STX8: variants seen among roughly 807,000 people sequenced by gnomAD.
STX8 encodes syntaxin 8, also known as syntaxin-8.
A neutral mutation model predicts 37.5 loss-of-function variants in STX8; 23 were observed. The ratio of observed to expected loss-of-function variants is 0.61; its 90% CI spans 0.44 to 0.87. The LOEUF (loss-of-function observed/expected upper bound fraction) is 0.87. Ranked by LOEUF, STX8 falls within the 40% of genes least tolerant of loss-of-function variation. The pLI is 0.00. For missense variants in STX8, 313 were observed against 284.7 expected (o/e 1.10, Z -0.71); for synonymous variants, 115 against 99.1 (o/e 1.16, Z -0.95).
intron 7 of STX8, among the ~76,000 whole-genome samples, chr17:9,338,149 G>T (rs144022821): frequency 6.7e-6 from 1 of 149,954 alleles, no homozygotes; most frequent in Non-Finnish European, 1.5e-5. Flanking sequence ...CGCCTCCCGG[G>T]TTCAAATTAT....
chr17:9,494,392 G>C (rs1232597689), intron 5 of STX8, among the ~76,000 whole-genome samples: 1 of 151,366 alleles, frequency 6.6e-6, no homozygotes, highest in Admixed American at 6.6e-5. Context: ...ACTTTAGGGG[G>C]CTGAAGCGGG....
chr17:9,282,038 C>T (rs1160316358), intron 7 of STX8, among the ~76,000 whole-genome samples: 1 of 152,216 alleles, frequency 6.6e-6, no homozygotes, highest in Non-Finnish European at 1.5e-5. Context: ...CATCAGATGC[C>T]ACTTCTCCAT....
intron 7 of STX8, among the ~76,000 whole-genome samples, chr17:9,285,586 C>T (rs1160880919): frequency 6.6e-6 from 1 of 152,172 alleles, no homozygotes; most frequent in African/African-American, 2.4e-5. Context: ...CAATGAGATG[C>T]CCATCTGTTC....
At chr17:9,291,025 G>C (rs1908295059) in intron 7 of STX8, among the ~76,000 whole-genome samples, 1 of 152,196 alleles carries the variant, frequency 6.6e-6, no homozygotes, top group Non-Finnish European at 1.5e-5. Flanking sequence ...TCCAGAAGTA[G>C]AATCAACCCG....
At chr17:9,257,913 C>T (rs1567757046) in intron 7 of STX8, among the ~76,000 whole-genome samples, 1 of 152,134 alleles carries the variant, frequency 6.6e-6, no homozygotes, top group Non-Finnish European at 1.5e-5. Context: ...CACTTGAACC[C>T]GGGAGGAGGA....
intron 3 of STX8, chr17:9,555,370 A>G (rs1906924600): frequency 6.6e-6 from 1 of 152,204 alleles, no homozygotes; most frequent in South Asian, 2.1e-4. Flanking sequence ...AAAAGCTCTT[A>G]ATTTGTATAT....
chr17:9,454,542 T>C (rs975166075), intron 6 of STX8, among the ~76,000 whole-genome samples: 8 of 151,958 alleles, frequency 5.3e-5, no homozygotes, highest in African/African-American at 1.9e-4. Flanking sequence ...TAGCCAGGCC[T>C]GGTGGCAGGC....
At chr17:9,305,906 G>T (rs561979633) in intron 7 of STX8, among the ~76,000 whole-genome samples, 1 of 151,548 alleles carries the variant, frequency 6.6e-6, no homozygotes, top group East Asian at 1.9e-4. Flanking sequence ...CACCATTCCC[G>T]GCTAATTTTT....
intron 7 of STX8, among the ~76,000 whole-genome samples, chr17:9,324,118 TCTCTCTCTCA>T (rs1567783641): frequency 2.2e-4 from 29 of 133,968 alleles, no homozygotes; most frequent in African/African-American, 8.4e-4. Flanking sequence ...TGTCTCTCTC[TCTCTCTCTCA>T]CACACACACA....
intron 7 of STX8, among the ~76,000 whole-genome samples, chr17:9,306,207 T>C (rs1201502756): frequency 6.6e-6 from 1 of 152,140 alleles, no homozygotes; most frequent in Non-Finnish European, 1.5e-5. Context: ...ATAGCCAAAG[T>C]GTGTAGTAGG....
rs1911380301 is a variant in STX8 at position 9,370,853 on chromosome 17, A to G, written c.643+7699T>C. Among the ~76,000 whole-genome samples, 4 of 152,198 alleles carry G rather than the reference A, an allele frequency of 2.6e-5. No homozygotes were observed. In the South Asian group the frequency reaches 8.3e-4, roughly 32 times the overall value. On this transcript the variant is annotated intron_variant, in intron 7 of 7. Coordinates refer to ENST00000306357, the MANE Select transcript of STX8 (RefSeq NM_004853.3). ...CTTTTATGTAAATGTCCTTAATGGA[A>G]GTAACAGATCTGAAAATACATAGAG...
At chr17:9,255,358 C>A (rs1906750072) in intron 7 of STX8, among the ~76,000 whole-genome samples, 1 of 152,088 alleles carries the variant, frequency 6.6e-6, no homozygotes, top group African/African-American at 2.4e-5. Context: ...GAAACCACGT[C>A]TCTACTAAAA....
chr17:9,301,002 T>A (rs1908759627), intron 7 of STX8, among the ~76,000 whole-genome samples: 1 of 151,800 alleles, frequency 6.6e-6, no homozygotes. Flanking sequence ...CCGGCTAATT[T>A]TTTGTATTTT....
intron 3 of STX8, among the ~76,000 whole-genome samples, chr17:9,548,874 G>C (rs1246742415): frequency 6.6e-6 from 1 of 152,122 alleles, no homozygotes; most frequent in African/African-American, 2.4e-5. Context: ...GAAAATTTCT[G>C]ATATATAAAC....
intron 7 of STX8, among the ~76,000 whole-genome samples, chr17:9,341,561 C>T (rs576390831): frequency 1.2e-4 from 18 of 152,100 alleles, no homozygotes; most frequent in Non-Finnish European, 2.1e-4. Flanking sequence ...CTCAGCCTCC[C>T]GAGTAGCTGG....
At chr17:9,369,716 A>G (rs1302563355) in intron 7 of STX8, among the ~76,000 whole-genome samples, 4 of 150,022 alleles carry the variant, frequency 2.7e-5, no homozygotes, top group Admixed American at 2.7e-4. Flanking sequence ...ACATGGTGAA[A>G]TCCTGTCTAT....
At chr17:9,505,276 CA>C in intron 4 of STX8, 114 bp from the exon 5 acceptor site, 1 of 1,254,046 alleles carries the variant, frequency 8.0e-7, no homozygotes, top group Non-Finnish European at 1.1e-6. Flanking sequence ...TCAATTCAAA[CA>C]CAATTTATTG....
intron 4 of STX8, among the ~76,000 whole-genome samples, chr17:9,514,473 C>T (rs1437198750): frequency 5.9e-5 from 9 of 152,074 alleles, no homozygotes; most frequent in East Asian, 5.8e-4. Flanking sequence ...GGCATGGTGG[C>T]GGGCGCCTGT....
At chr17:9,563,290 C>T (rs1385887167) in intron 2 of STX8, among the ~76,000 whole-genome samples, 2 of 152,008 alleles carry the variant, frequency 1.3e-5, no homozygotes, top group Admixed American at 1.3e-4. Context: ...TCAAGTGATT[C>T]TCCTGCCTCA....
Sources: gnomAD v4.1 joint callset for allele counts (sites outside exome capture counted in the v4.1 genomes callset) on GRCh38, gnomAD v4.1.1 for gene constraint, MANE v1.5 for transcripts, NCBI Gene and HGNC (gene_info 2026-07-23, HGNC 2026-07-21) for gene names.